Variants in GPR176 observed in about 807,000 individuals in gnomAD.
The protein encoded by GPR176 is G-protein coupled receptor 176.
Under a neutral mutation model 35.4 loss-of-function variants are expected in GPR176, and 26 were observed. The ratio of observed to expected loss-of-function variants is 0.74; its 90% confidence interval spans 0.54 to 1.02. The LOEUF (loss-of-function observed/expected upper bound fraction) is 1.02, where lower values mean the gene tolerates loss of function less well. Ranked by LOEUF, GPR176 falls within the 50% of genes least tolerant of loss-of-function variation. GPR176 has a pLI of 0.00. For missense variants in GPR176, 597 were observed against 665.3 expected (o/e 0.90, Z 1.13); for synonymous variants, 278 against 271.3 (o/e 1.02, Z -0.24).
chr15:39,864,622 C>T (rs2031750937), intron 1 of GPR176, among the ~76,000 whole-genome samples: 1 of 152,016 alleles, frequency 6.6e-6, no homozygotes, highest in African/African-American at 2.4e-5. Context: ...CTCTTCTGGA[C>T]ATTGGTCTAG....
At chr15:39,815,930 G>A (rs1411590639) in intron 1 of GPR176, among the ~76,000 whole-genome samples, 3 of 152,166 alleles carry the variant, frequency 2.0e-5, no homozygotes, top group East Asian at 1.9e-4. Flanking sequence ...ATAAATGGAC[G>A]AATGGCATAT....
rs2032918119 is a variant in GPR176, at chr15:39,892,613, TAAG to T, written c.172+27239_172+27241del. Among the ~76,000 whole-genome samples, 4 of 152,310 alleles carry T rather than the reference TAAG, an allele frequency of 2.6e-5. 1 individual carries two copies. In the Middle Eastern group the frequency reaches 0.01, roughly 389 times the overall value. ...TTGCATTAGGGTGAGCCCTTCCTTATAAGAAGAGAGAACACACAGAGACAGATG... is the reference window on the plus strand; with the variant it reads ...TTGCATTAGGGTGAGCCCTTCCTTATAAGAGAGAACACACAGAGACAGATG... On this transcript the variant is annotated intron_variant, in intron 1 of 2. Transcript: ENST00000561100.
At chr15:39,879,285 A>G (rs758265347) in intron 1 of GPR176, among the ~76,000 whole-genome samples, 1 of 152,174 alleles carries the variant, frequency 6.6e-6, no homozygotes, top group Non-Finnish European at 1.5e-5. Flanking sequence ...ACCTTGACCA[A>G]TGAGGGTGTT....
chr15:39,863,002 T>C (rs959216862), intron 1 of GPR176, among the ~76,000 whole-genome samples: 3 of 152,162 alleles, frequency 2.0e-5, no homozygotes, highest in Admixed American at 2.0e-4. Flanking sequence ...AGAGTGATAT[T>C]GATGATCTTG....
intron 1 of GPR176, among the ~76,000 whole-genome samples, chr15:39,814,707 C>T (rs924136469): frequency 2.6e-5 from 4 of 152,042 alleles, no homozygotes; most frequent in African/African-American, 7.2e-5. Context: ...AAGTGGCTGG[C>T]CAAGCACACA....
chr15:39,901,381 G>C (rs538924560), intron 1 of GPR176, among the ~76,000 whole-genome samples: 4 of 152,238 alleles, frequency 2.6e-5, no homozygotes, highest in Non-Finnish European at 5.9e-5. Flanking sequence ...ATTACGGAAG[G>C]GGCCCTGCCT....
At chr15:39,915,301 A>G (rs2033697438) in intron 1 of GPR176, among the ~76,000 whole-genome samples, 1 of 152,156 alleles carries the variant, frequency 6.6e-6, no homozygotes, top group African/African-American at 2.4e-5. Context: ...ATATCCTCAC[A>G]TGGTGCAAAG....
intron 1 of GPR176, among the ~76,000 whole-genome samples, chr15:39,820,482 C>T (rs1374845994): frequency 6.6e-6 from 1 of 152,130 alleles, no homozygotes; most frequent in Non-Finnish European, 1.5e-5. Flanking sequence ...GCAAAGTAAA[C>T]AAAATAACAG....
chr15:39,861,978 AC>A (rs2031613957), intron 1 of GPR176: 1 of 152,070 alleles, frequency 6.6e-6, no homozygotes, highest in Non-Finnish European at 1.5e-5. Context: ...ATTGTGTAGG[AC>A]CCTTTTCTCC....
intron 1 of GPR176, among the ~76,000 whole-genome samples, chr15:39,823,654 C>A (rs1900425569): frequency 6.6e-6 from 1 of 152,164 alleles, no homozygotes; most frequent in African/African-American, 2.4e-5. Context: ...ATTTTAACAG[C>A]AGTTAGGAAC....
intron 1 of GPR176, among the ~76,000 whole-genome samples, chr15:39,897,599 ATTTTT>A (rs386382791): frequency 2.3e-5 from 2 of 88,528 alleles, no homozygotes; most frequent in East Asian, 6.8e-4. Context: ...ACATCCAAAT[ATTTTT>A]TTTTTTTTTT....
At chr15:39,918,378 AACACC>A (rs1185488040) in intron 1 of GPR176, among the ~76,000 whole-genome samples, 1 of 152,170 alleles carries the variant, frequency 6.6e-6, no homozygotes, top group African/African-American at 2.4e-5. Flanking sequence ...TTCTCCTCCC[AACACC>A]ACCTTTCTTC....
rs527667593 is a variant in GPR176, at chr15:39,829,004, G to C, written c.173-21746C>G. 4.3e-6 allele frequency: 3 copies of C among 699,720 alleles called. No homozygotes were observed. In the African/African-American group the frequency reaches 5.3e-5, roughly 12 times the overall value. 43.3% of individuals were successfully genotyped at this position (699,720 alleles called of 1,614,324 possible). A position where few individuals can be genotyped will look rare whatever the true frequency, so the allele number is the denominator to read the frequency against. On this transcript the variant is annotated intron_variant, in intron 1 of 2. Coordinates refer to ENST00000561100, the MANE Select transcript of GPR176 (RefSeq NM_007223.3). ...TAAGTATGCGTATCATGTGATATTT[G>C]CAAGAACTCAATGAGTTAGGTACTA...
intron 1 of GPR176, among the ~76,000 whole-genome samples, chr15:39,854,877 C>A (rs1356781823): frequency 6.6e-6 from 1 of 151,886 alleles, no homozygotes; most frequent in Non-Finnish European, 1.5e-5. Context: ...CCCCACCACA[C>A]CCCTAGTCTC....
chr15:39,867,166 T>TA (rs1334445040), intron 1 of GPR176, among the ~76,000 whole-genome samples: 1 of 152,138 alleles, frequency 6.6e-6, no homozygotes, highest in East Asian at 1.9e-4. Flanking sequence ...GATGAAGCTA[T>TA]AAAGTGCAAA....
intron 1 of GPR176, among the ~76,000 whole-genome samples, chr15:39,867,199 C>T (rs537586084): frequency 4.6e-5 from 7 of 152,102 alleles, no homozygotes; most frequent in South Asian, 2.1e-4. Flanking sequence ...GTGTTCATGC[C>T]GGCTGATACC....
intron 1 of GPR176, among the ~76,000 whole-genome samples, chr15:39,809,229 C>A (rs1443530063): frequency 6.6e-6 from 1 of 152,184 alleles, no homozygotes; most frequent in East Asian, 1.9e-4. Flanking sequence ...GCTAAATAGT[C>A]CTATGTTCTT....
chr15:39,901,648 A>G (rs544944311), intron 1 of GPR176, among the ~76,000 whole-genome samples: 1 of 152,244 alleles, frequency 6.6e-6, no homozygotes, highest in South Asian at 2.1e-4. Context: ...CTCTCCTGGC[A>G]CTATAACCTG....
rs1291894729 is a variant in GPR176 at position 39,799,808 on chromosome 15, C to T, written c.*1324G>A. On this transcript the variant is annotated 3_prime_UTR_variant, in exon 3 of 3. Coordinates refer to ENST00000561100, the MANE Select transcript of GPR176 (RefSeq NM_007223.3). ...TGGTGAAATCCACCCCAGAGGGGTCCCAAATTGCTTGTGAGGCTGATGAGT... is the reference window on the plus strand; with the variant it reads ...TGGTGAAATCCACCCCAGAGGGGTCTCAAATTGCTTGTGAGGCTGATGAGT... The T allele has an allele frequency of 6.6e-6, 1 of 152,234 alleles. No homozygotes were observed. The allele number at this position is 152,234 out of a possible 1,614,324, so 9.4% of individuals were successfully genotyped here.
Sources: gnomAD v4.1 joint callset for allele counts (sites outside exome capture counted in the v4.1 genomes callset) on GRCh38, gnomAD v4.1.1 for gene constraint, MANE v1.5 for transcripts, NCBI Gene and HGNC (gene_info 2026-07-23, HGNC 2026-07-21) for gene names.